Variants in FNDC1 observed in about 807,000 individuals in gnomAD.
FNDC1 encodes fibronectin type III domain-containing protein 1.
A neutral mutation model predicts 168.0 loss-of-function variants in FNDC1; 96 were observed. That is an observed-to-expected ratio of 0.57 (90% CI 0.48 to 0.68). FNDC1 has a LOEUF of 0.68. Ranked by LOEUF, FNDC1 falls within the 30% of genes least tolerant of loss-of-function variation. The pLI, the probability that FNDC1 is intolerant of heterozygous loss-of-function variation, is 0.00. For synonymous variants in FNDC1, 1,099 were observed against 1,025.9 expected, an observed-to-expected ratio of 1.07 and a Z score of -1.36; for missense variants, 2,587 against 2,482.1, an observed-to-expected ratio of 1.04 and a Z score of -0.90.
At chr6:159,224,348 C>T (rs6904976) in intron 7 of FNDC1, among the ~76,000 whole-genome samples, 2,753 of 152,144 alleles carry the variant, frequency 0.018, 80 homozygotes, top group African/African-American at 0.063. Flanking sequence ...TTTATTTCCA[C>T]GACTGAATAC....
At chr6:159,187,784 G>A (rs1022757478) in intron 1 of FNDC1, among the ~76,000 whole-genome samples, 9 of 152,114 alleles carry the variant, frequency 5.9e-5, no homozygotes, top group Admixed American at 1.3e-4. Context: ...CATTTGAGTC[G>A]TTCTAGTATT....
At chr6:159,239,220 G>T (rs182714946) in intron 13 of FNDC1, among the ~76,000 whole-genome samples, 1 of 152,230 alleles carries the variant, frequency 6.6e-6, no homozygotes, top group East Asian at 1.9e-4. Context: ...GGCCTATGAG[G>T]CTTAACATAT....
intron 12 of FNDC1, 26 bp from the exon 13 acceptor site, chr6:159,238,528 T>C: frequency 2.7e-6 from 4 of 1,505,800 alleles, no homozygotes; most frequent in Non-Finnish European, 3.7e-6. Context: ...GTCCAATATA[T>C]TCTTTAATCT....
At chr6:159,265,749 G>A (rs1415191225) in intron 20 of FNDC1, among the ~76,000 whole-genome samples, 2 of 152,122 alleles carry the variant, frequency 1.3e-5, no homozygotes, top group East Asian at 3.9e-4. Context: ...CCAATGTGGT[G>A]AAACCCCGTC....
intron 4 of FNDC1, among the ~76,000 whole-genome samples, chr6:159,207,099 G>A (rs1441616873): frequency 6.6e-6 from 1 of 152,112 alleles, no homozygotes; most frequent in Non-Finnish European, 1.5e-5. Context: ...GTCCCTGCTG[G>A]CACCCCCCCA....
chr6:159,187,357 C>T (rs868541312), intron 1 of FNDC1, among the ~76,000 whole-genome samples: 24 of 152,152 alleles, frequency 1.6e-4, no homozygotes, highest in South Asian at 6.2e-4. Flanking sequence ...CCTGACAAAG[C>T]GCTGGGTGGT....
intron 1 of FNDC1, among the ~76,000 whole-genome samples, chr6:159,179,648 T>C (rs1781840178): frequency 6.6e-6 from 1 of 152,192 alleles, no homozygotes; most frequent in African/African-American, 2.4e-5. Context: ...CGGCATTTCA[T>C]ATATTTTACT....
intron 16 of FNDC1, 38 bp downstream of exon 16, chr6:159,249,220 T>C: frequency 6.4e-7 from 1 of 1,571,494 alleles, no homozygotes; most frequent in South Asian, 1.2e-5. Flanking sequence ...ACATGGGTTT[T>C]TAACTTGTGG....
chr6:159,183,493 C>T (rs1252859247), intron 1 of FNDC1, among the ~76,000 whole-genome samples: 5 of 152,162 alleles, frequency 3.3e-5, no homozygotes, highest in Non-Finnish European at 5.9e-5. Context: ...GGAAGCCAGG[C>T]TGGAGTTGGG....
At chr6:159,260,296 G>A (rs1777456879) in intron 18 of FNDC1, among the ~76,000 whole-genome samples, 1 of 152,234 alleles carries the variant, frequency 6.6e-6, no homozygotes, top group South Asian at 2.1e-4. Flanking sequence ...CAAATGTGGT[G>A]TTGGTCTTTA....
In FNDC1 at chr6:159,215,100, A is replaced by T. The variant is rs149549108; in HGVS notation, c.616A>T (p.Asn206Tyr). 9.9e-6 allele frequency: 16 copies of T among 1,614,036 alleles called. No individual in the cohort carries two copies. In the East Asian group the frequency reaches 3.3e-4, roughly 34 times the overall value. Reference protein sequence around the residue: ...LGYGESGRKMNYVPLTRDERT... With the variant: ...LGYGESGRKMYYVPLTRDERT... ...CTACGGGGAGAGTGGCCGGAAGATG[A>T]ATTATGTTCCACTGACAAGAGATGA... Residue 206 changes from asparagine (N) to tyrosine (Y), a missense_variant, in exon 5 of 23, where the codon AAT (asparagine) becomes TAT (tyrosine). Coordinates refer to ENST00000297267, the MANE Select transcript of FNDC1 (RefSeq NM_032532.3).
intron 4 of FNDC1, among the ~76,000 whole-genome samples, chr6:159,209,438 T>C (rs986818629): frequency 7.2e-5 from 11 of 152,350 alleles, no homozygotes; most frequent in African/African-American, 2.6e-4. Context: ...AGAGTCCTGA[T>C]GGATTTAGGG....
At chr6:159,217,343 G>A (rs1185098175) in intron 5 of FNDC1, among the ~76,000 whole-genome samples, 1 of 152,222 alleles carries the variant, frequency 6.6e-6, no homozygotes, top group Non-Finnish European at 1.5e-5. Flanking sequence ...CGCTCTGAGA[G>A]CTCCTAACTC....
At chr6:159,225,810 C>A in intron 8 of FNDC1, 88 bp downstream of exon 8, 1 of 1,214,278 alleles carries the variant, frequency 8.2e-7, no homozygotes, top group Non-Finnish European at 1.1e-6. Flanking sequence ...CCAATAGTGA[C>A]AAAGGCCAGC....
Position 159,169,624 on chromosome 6 carries a change from C to T in FNDC1, c.28C>T (p.Arg10Cys), listed in dbSNP as rs898791029. ...GGCCCCCGAGGCCGGGGCGACCCTG[C>T]GCGCGCCGCGCCGGCTGTCCTGGGC... is the stretch of plus-strand genomic sequence containing the variant. Reference protein sequence around the residue: MAPEAGATLRAPRRLSWAAL... With the variant: MAPEAGATLCAPRRLSWAAL... Residue 10 changes from arginine to cysteine, a missense_variant, in exon 1 of 23, where the codon CGC becomes TGC. Arg to Cys is a radical substitution (Grantham distance 180). Transcript: ENST00000297267. The surrounding 1 kb of genome is among the most constrained non-coding windows in gnomAD (Gnocchi z 6.8). The T allele has an allele frequency of 7.9e-6, 9 of 1,137,762 alleles. No individual in the cohort carries two copies. In the African/African-American group the frequency reaches 1.3e-4, roughly 17 times the overall value. The allele number at this position is 1,137,762 out of a possible 1,614,324, so 70.5% of individuals were successfully genotyped here.
intron 7 of FNDC1, among the ~76,000 whole-genome samples, chr6:159,224,814 GC>G (rs1782917995): frequency 1.3e-5 from 2 of 152,150 alleles, no homozygotes; most frequent in Admixed American, 1.3e-4. Flanking sequence ...CTGCAAAGAG[GC>G]CACAAAGACA....
At chr6:159,261,143 A>T (rs553322026) in intron 18 of FNDC1, 47 bp from the exon 19 acceptor site, 1 of 1,470,600 alleles carries the variant, frequency 6.8e-7, no homozygotes, top group Admixed American at 1.8e-5. Flanking sequence ...TGTTACACAG[A>T]AATCAAATAC....
chr6:159,207,220 C>T (rs369695103), intron 4 of FNDC1, among the ~76,000 whole-genome samples: 6 of 152,094 alleles, frequency 3.9e-5, no homozygotes, highest in African/African-American at 4.8e-5. Context: ...AGGCATTTCA[C>T]GTGAAGACAC....
At chr6:159,256,421 C>T (rs187877603) in intron 17 of FNDC1, 102 bp from the exon 18 acceptor site, 2 of 801,090 alleles carry the variant, frequency 2.5e-6, no homozygotes, top group African/African-American at 1.7e-5. Context: ...CCACATGGAG[C>T]TGCATCTGCA....
Sources: allele counts gnomAD v4.1 joint callset (sites outside exome capture counted in the v4.1 genomes callset), GRCh38; gene constraint gnomAD v4.1.1; non-coding constraint Gnocchi (gnomAD v3.1); transcripts MANE v1.5; gene names NCBI Gene and HGNC (gene_info 2026-07-23, HGNC 2026-07-21).